Variants in ZBTB1 observed in about 807,000 individuals in gnomAD.
The protein encoded by ZBTB1 is zinc finger and BTB domain containing 1.
Under a neutral mutation model 51.6 loss-of-function variants are expected in ZBTB1, and 13 were observed. The ratio of observed to expected loss-of-function variants is 0.25; its 90% confidence interval spans 0.16 to 0.40. ZBTB1 has a LOEUF of 0.40. Ranked by LOEUF, ZBTB1 falls within the 10% of genes least tolerant of loss-of-function variation. ZBTB1 has a pLI of 1.00. For missense variants in ZBTB1, 567 were observed against 856.5 expected (o/e 0.66, Z 4.22); for synonymous variants, 240 against 282.2 (o/e 0.85, Z 1.50).
chr14:64,507,934 C>T (rs1295303950), intron 1 of ZBTB1, among the ~76,000 whole-genome samples: 3 of 152,098 alleles, frequency 2.0e-5, no homozygotes, highest in Non-Finnish European at 4.4e-5. Flanking sequence ...GATGGGGTTC[C>T]TCTTGATCAG....
At chr14:64,521,416 C>A in intron 1 of ZBTB1, 71 bp from the exon 2 acceptor site, 1 of 1,268,974 alleles carries the variant, frequency 7.9e-7, no homozygotes, top group Non-Finnish European at 1.1e-6. Flanking sequence ...AGTCACAAAT[C>A]ATGATAAAAG....
chr14:64,504,563 T>C (rs948658986), upstream of ZBTB1: 3 of 199,556 alleles, frequency 1.5e-5, no homozygotes, highest in African/African-American at 7.0e-5. Flanking sequence ...GCCAGCCTCC[T>C]CGGAGCTCGA....
At chr14:64,505,110 G>C (rs1220093871) in intron 1 of ZBTB1, 164 bp downstream of exon 1, 2 of 349,350 alleles carry the variant, frequency 5.7e-6, no homozygotes, top group Non-Finnish European at 1.0e-5. Context: ...GCGGCTGCCA[G>C]GCCGCCTGCT....
chr14:64,522,094 C>G lies in ZBTB1; in HGVS notation c.590C>G (p.Ser197Cys). 1 of 1,614,134 alleles carries G rather than the reference C, an allele frequency of 6.2e-7. No homozygotes were observed. Among genetic ancestry groups the G allele is most frequent in the Non-Finnish European group, 8.5e-7 (1 of 1,180,026 alleles). Residue 197 changes from serine to cysteine, a missense_variant, in exon 2 of 2, where the codon TCC (serine) becomes TGC (cysteine). Physicochemically the swap from Ser to Cys is moderately radical, Grantham distance 112 (BLOSUM62 -1). This residue lies in a region of ZBTB1 where 26 missense variants were observed against 67.0 expected (regional missense o/e 0.39). Coordinates refer to ENST00000683701, the MANE Select transcript of ZBTB1 (RefSeq NM_001123329.2). ...CTATTTGATGTATGTAAAAAAAGTT[C>G]CGTGTCCAAATTATCTACTCCAAAA... ...EPLFDVCKKS[S>C]VSKLSTPKER...
Position 64,524,711 on chromosome 14 carries a change from T to G in ZBTB1, c.*1065T>G. ...CTTGTGTTTTATACTGTCTAAGATT[T>G]GGAGGAAATGTGGCAAATTGCAGTT... On this transcript the variant is annotated 3_prime_UTR_variant, in exon 2 of 2. Coordinates refer to ENST00000683701, the MANE Select transcript of ZBTB1 (RefSeq NM_001123329.2). 3.0e-6 allele frequency: 3 copies of G among 985,110 alleles called. No individual in the cohort carries two copies. The highest frequency in any genetic ancestry group is 5.2e-4 in the Middle Eastern group (1 of 1,914). 61.0% of individuals were successfully genotyped at this position (985,110 alleles called of 1,614,324 possible). A position where few individuals can be genotyped will look rare whatever the true frequency, so the allele number is the denominator to read the frequency against.
exon 3 of ZBTB1, chr14:64,533,206 G>A (rs2079955995): frequency 6.6e-6 from 1 of 152,028 alleles, no homozygotes; most frequent in South Asian, 2.1e-4. Flanking sequence ...ATAGTGGGTA[G>A]AAAGGAGAGA....
intron 1 of ZBTB1, among the ~76,000 whole-genome samples, chr14:64,517,624 T>TC (rs901557227): frequency 2.6e-5 from 4 of 151,452 alleles, no homozygotes; most frequent in African/African-American, 9.7e-5. Context: ...TCATCTTTTT[T>TC]CCCCCCACCT....
At chr14:64,519,717 G>A (rs2079839779) in intron 1 of ZBTB1, among the ~76,000 whole-genome samples, 1 of 150,916 alleles carries the variant, frequency 6.6e-6, no homozygotes, top group Non-Finnish European at 1.5e-5. Context: ...GATTGAGGCT[G>A]CAGTTAGCTA....
rs1159156802 is a variant in ZBTB1, at chr14:64,523,538, G to T, written c.2034G>T (p.Glu678Asp). ...TATTCCCAAATAATGAACAGTTGGAGCAGCACATGGATGTTCATCTGTATA... is the reference window on the plus strand; with the variant it reads ...TATTCCCAAATAATGAACAGTTGGATCAGCACATGGATGTTCATCTGTATA... The part of the protein sequence containing the change: ...FQIFPNNEQL[E>D]QHMDVHLYTC... The change falls in exon 2 of 2, where the codon GAG becomes GAT. Residue 678 changes from glutamate to aspartate, a missense_variant. Glu to Asp is a conservative substitution (Grantham distance 45). This residue lies in a region of ZBTB1 where 69 missense variants were observed against 171.8 expected (regional missense o/e 0.40). Transcript: ENST00000683701. This position sits in a 1 kb window ranked among gnomAD's most constrained non-coding sequence, Gnocchi z 4.5. 2 of 1,578,398 alleles carry T rather than the reference G, an allele frequency of 1.3e-6. No homozygotes were observed.
intron 1 of ZBTB1, 78 bp downstream of exon 1, chr14:64,505,024 A>ACTGCGGGGCCGGAGGGGCGCCGATCC (rs2079620626): frequency 2.6e-6 from 1 of 386,122 alleles, no homozygotes; most frequent in East Asian, 3.7e-5. Flanking sequence ...GGCCTGGCGG[A>ACTGCGGGGCCGGAGGGGCGCCGATCC]GTGCGGGGCC....
intron 2 of ZBTB1, among the ~76,000 whole-genome samples, chr14:64,531,109 C>T (rs2079939057): frequency 6.6e-6 from 1 of 152,108 alleles, no homozygotes; most frequent in Non-Finnish European, 1.5e-5. Flanking sequence ...AAAAAGTTAA[C>T]ATGTTTTTAT....
chr14:64,529,627 C>T (rs560081441), downstream of ZBTB1, among the ~76,000 whole-genome samples: 22 of 152,052 alleles, frequency 1.4e-4, no homozygotes, highest in South Asian at 2.1e-4. Context: ...AAAAATTAGC[C>T]GGGCATGGTG....
chr14:64,517,034 A>G (rs559296953), intron 1 of ZBTB1, among the ~76,000 whole-genome samples: 4 of 152,186 alleles, frequency 2.6e-5, no homozygotes, highest in Non-Finnish European at 5.9e-5. Flanking sequence ...AATACTTGAA[A>G]GTTTTTATAG....
downstream of ZBTB1, among the ~76,000 whole-genome samples, chr14:64,529,017 G>A (rs1036971599): frequency 1.3e-5 from 2 of 152,240 alleles, no homozygotes; most frequent in Admixed American, 6.5e-5. Flanking sequence ...GTCATCTGCT[G>A]TGCTGGTAAG....
At chr14:64,532,080 A>G (rs2079946255) in exon 3 of ZBTB1, 2 of 613,814 alleles carry the variant, frequency 3.3e-6, no homozygotes, top group Admixed American at 7.0e-5. Context: ...TCACTTTGGA[A>G]TCACTTTGTT....
At chr14:64,507,334 A>G (rs74056443) in intron 1 of ZBTB1, among the ~76,000 whole-genome samples, 2,481 of 152,294 alleles carry the variant, frequency 0.016, 67 homozygotes, top group African/African-American at 0.057. Context: ...TATGTGAACC[A>G]AATTAAGGGT....
At chr14:64,519,736 C>T (rs1051020109) in intron 1 of ZBTB1, among the ~76,000 whole-genome samples, 1 of 151,164 alleles carries the variant, frequency 6.6e-6, no homozygotes, top group African/African-American at 2.4e-5. Flanking sequence ...TATGATCATG[C>T]CACTGCACTC....
At chr14:64,526,568 A>G (rs761286846), downstream of ZBTB1, among the ~76,000 whole-genome samples, 1 of 152,220 alleles carries the variant, frequency 6.6e-6, no homozygotes, top group Non-Finnish European at 1.5e-5. Flanking sequence ...TCTACACAGC[A>G]AGAAAACCCA....
At chr14:64,509,815 CA>C (rs879836222) in intron 1 of ZBTB1, among the ~76,000 whole-genome samples, 100 of 140,034 alleles carry the variant, frequency 7.1e-4, no homozygotes, top group Admixed American at 6.4e-4. Context: ...ACTAAAAATA[CA>C]AAAAAAAAAA....
Sources: gnomAD v4.1 joint callset for allele counts (sites outside exome capture counted in the v4.1 genomes callset) on GRCh38, gnomAD v4.1.1 for gene constraint, gnomAD v4.1.1 regional missense constraint, Gnocchi (gnomAD v3.1) non-coding constraint, MANE v1.5 for transcripts, NCBI Gene and HGNC (gene_info 2026-07-23, HGNC 2026-07-21) for gene names.